INO80: variants seen among roughly 807,000 people sequenced by gnomAD.
INO80 encodes the protein chromatin-remodeling ATPase INO80.
A neutral mutation model predicts 203.4 loss-of-function variants in INO80; 20 were observed. The ratio of observed to expected loss-of-function variants is 0.10; its 90% CI spans 0.07 to 0.14. INO80 has a LOEUF of 0.14. Ranked by LOEUF, INO80 falls within the 10% of genes least tolerant of loss-of-function variation. The pLI, the probability that INO80 is intolerant of heterozygous loss-of-function variation, is 1.00. For missense variants in INO80, 1,419 were observed against 1,914.4 expected, an observed-to-expected ratio of 0.74 and a Z score of 4.83; for synonymous variants, 726 against 685.2, an observed-to-expected ratio of 1.06 and a Z score of -0.93.
chr15:41,113,091 T>C (rs1458527074), intron 1 of INO80, among the ~76,000 whole-genome samples: 2 of 151,744 alleles, frequency 1.3e-5, no homozygotes, highest in African/African-American at 4.8e-5. Context: ...AATTTTTGTA[T>C]TTTCTGTAGA....
At chr15:41,059,770 TAAG>T (rs1015349714) in intron 15 of INO80, 94 bp downstream of exon 15, 31 of 760,462 alleles carry the variant, frequency 4.1e-5, no homozygotes, top group East Asian at 1.1e-4. Context: ...ATATAATAGA[TAAG>T]AAGATTTTTG....
chr15:41,113,399 T>A (rs191407759), intron 1 of INO80, among the ~76,000 whole-genome samples: 2 of 152,220 alleles, frequency 1.3e-5, no homozygotes, highest in East Asian at 3.9e-4. Flanking sequence ...CCTGAGTAGC[T>A]GGGATTACAG....
chr15:41,064,117 A>G (rs2045166619), intron 14 of INO80, among the ~76,000 whole-genome samples: 1 of 152,230 alleles, frequency 6.6e-6, no homozygotes, highest in Non-Finnish European at 1.5e-5. Flanking sequence ...AAGACATGAA[A>G]GAGCTGAACA....
intron 18 of INO80, 39 bp from the exon 19 acceptor site, chr15:41,054,053 G>C (rs1293347273): frequency 1.3e-6 from 2 of 1,519,168 alleles, no homozygotes; most frequent in African/African-American, 2.7e-5. Flanking sequence ...ACATTATAGT[G>C]ATTTCACAAA....
chr15:41,014,940 G>A (rs2044181510), intron 27 of INO80, among the ~76,000 whole-genome samples: 1 of 152,102 alleles, frequency 6.6e-6, no homozygotes, highest in Non-Finnish European at 1.5e-5. Flanking sequence ...TGGTGTAGCA[G>A]GGCGAGGGTA....
At chr15:40,984,476 T>C in intron 32 of INO80, 124 bp from the exon 33 acceptor site, 2 of 863,282 alleles carry the variant, frequency 2.3e-6, no homozygotes. Flanking sequence ...AATTAGCATA[T>C]TTTTACGGAA....
At chr15:41,024,825 A>G (rs1309276202) in intron 25 of INO80, among the ~76,000 whole-genome samples, 1 of 152,226 alleles carries the variant, frequency 6.6e-6, no homozygotes, top group African/African-American at 2.4e-5. Flanking sequence ...TTCAAAGGAC[A>G]TCAGTTTCTC....
Position 40,979,262 on chromosome 15 carries a change from C to T in INO80, c.*961G>A, listed in dbSNP as rs922107305. On this transcript the variant is annotated 3_prime_UTR_variant, in exon 36 of 36. Coordinates refer to ENST00000648947, the MANE Select transcript of INO80 (RefSeq NM_017553.3). ...GAAACACCTCCCATGCAAACACTGC[C>T]CCTCTGTCTCTACTGGAGGGCAGCA... The T allele has an allele frequency of 1.3e-5, 2 of 152,638 alleles. No homozygotes were observed. The highest frequency in any genetic ancestry group is 2.9e-5 in the Non-Finnish European group (2 of 68,048). 9.5% of individuals were successfully genotyped at this position (152,638 alleles called of 1,614,324 possible). A position where few individuals can be genotyped will look rare whatever the true frequency, so the allele number is the denominator to read the frequency against.
At position 41,088,259 on chromosome 15, in the gene INO80, T is replaced by A. The variant is rs189348892; in HGVS notation, c.538-577A>T. Reference sequence around the variant, plus strand: ...CACACGCCACCACACCCAGCTGATTTTTGTATTTTTAGTAGACACGAGGTT... The same window carrying A: ...CACACGCCACCACACCCAGCTGATTATTGTATTTTTAGTAGACACGAGGTT... On this transcript the variant is annotated intron_variant, in intron 5 of 35. Coordinates refer to ENST00000648947, the MANE Select transcript of INO80 (RefSeq NM_017553.3). Among the ~76,000 whole-genome samples, 410 of 151,952 alleles carry A rather than the reference T, an allele frequency of 2.7e-3. 3 individuals carry two copies. The highest frequency in any genetic ancestry group is 0.013 in the South Asian group (62 of 4,806).
rs1315228387 is a variant in INO80, at chr15:40,984,335, TTCA to T, written c.3936_3938del (p.Asp1312del). 1.9e-6 allele frequency: 3 copies of T among 1,614,096 alleles called. No individual in the cohort carries two copies. The highest frequency in any genetic ancestry group is 2.5e-6 in the Non-Finnish European group (3 of 1,179,988). Reference sequence around the variant, plus strand: ...CCTCTTTTCTCCTTTTCCCATCCAATTCATCTTCTTTTTTCTTCTGGGAACACA... The same window carrying T: ...CCTCTTTTCTCCTTTTCCCATCCAATTCTTCTTTTTTCTTCTGGGAACACA... On this transcript the variant is annotated inframe_deletion, in exon 33 of 36. Transcript: ENST00000648947.
chr15:41,103,912 G>C (rs1330367706), intron 1 of INO80, among the ~76,000 whole-genome samples: 1 of 151,934 alleles, frequency 6.6e-6, no homozygotes, highest in African/African-American at 2.4e-5. Context: ...CGCGCAAAGA[G>C]GCTCTTTAAA....
At chr15:41,083,493 G>T (rs917141555) in intron 7 of INO80, among the ~76,000 whole-genome samples, 1 of 151,846 alleles carries the variant, frequency 6.6e-6, no homozygotes, top group African/African-American at 2.4e-5. Context: ...CTCACTTGAG[G>T]TCGGGAGTTC....
intron 1 of INO80, among the ~76,000 whole-genome samples, chr15:41,105,208 T>C (rs567514259): frequency 1.4e-4 from 22 of 152,292 alleles, no homozygotes; most frequent in Non-Finnish European, 2.1e-4. Flanking sequence ...GAGATATGTT[T>C]ACATCAAACC....
chr15:41,059,416 G>A lies in INO80; in HGVS notation c.1842+451C>T, dbSNP rs370385157. Among the ~76,000 whole-genome samples, 14 of 151,316 alleles carry A rather than the reference G, an allele frequency of 9.3e-5. No individual in the cohort carries two copies. The East Asian group carries it at 2.6e-3, about 28-fold the overall frequency. ...GAGGCAGGAGGATCACTTAAGCCCA[G>A]GAGTTTGAGACCACCCTGGGCAACA... On this transcript the variant is annotated intron_variant, in intron 15 of 35. Transcript: ENST00000648947.
Position 41,073,427 on chromosome 15 carries a change from C to T in INO80, c.1395+1G>A. On this transcript the variant is annotated splice_donor_variant, in intron 11 of 35. Transcript: ENST00000648947. LOFTEE classifies it high-confidence loss of function. ...GTAAACCTTTCTATCTGAAGACTCA[C>T]CCGAGCTTGGTGAATATGGTAAGCA... 6.2e-7 allele frequency: 1 copy of T among 1,613,630 alleles called. No individual in the cohort carries two copies. Among genetic ancestry groups the T allele is most frequent in the Non-Finnish European group, 8.5e-7 (1 of 1,179,560 alleles).
chr15:41,064,724 T>C (rs1470023202), intron 14 of INO80, among the ~76,000 whole-genome samples: 1 of 152,176 alleles, frequency 6.6e-6, no homozygotes, highest in Admixed American at 6.6e-5. Flanking sequence ...TGGCTGGGCA[T>C]GGTGGCTAAC....
chr15:41,070,384 A>T, intron 13 of INO80, 83 bp downstream of exon 13: 1 of 1,192,522 alleles, frequency 8.4e-7, no homozygotes, highest in Non-Finnish European at 1.2e-6. Flanking sequence ...ACAGCTTAAC[A>T]TAGTGCTTTT....
At chr15:41,083,746 A>G (rs796684214) in intron 7 of INO80, among the ~76,000 whole-genome samples, 41 of 151,930 alleles carry the variant, frequency 2.7e-4, no homozygotes, top group African/African-American at 9.9e-4. Flanking sequence ...AAAACACACT[A>G]TAACCTCCAT....
chr15:41,007,716 T>C (rs2140442745), intron 27 of INO80, among the ~76,000 whole-genome samples: 1 of 144,554 alleles, frequency 6.9e-6, no homozygotes, highest in South Asian at 2.2e-4. Flanking sequence ...AGACGAGCAG[T>C]GGGACTTCAG....
Sources: allele counts gnomAD v4.1 joint callset (sites outside exome capture counted in the v4.1 genomes callset), GRCh38; gene constraint gnomAD v4.1.1; transcripts MANE v1.5; gene names NCBI Gene and HGNC (gene_info 2026-07-23, HGNC 2026-07-21).